Variants in KCNMB2 observed in about 807,000 individuals in gnomAD.
The protein encoded by KCNMB2 is calcium-activated potassium channel subunit beta-2.
KCNMB2 carries 9 observed loss-of-function variants against 24.5 expected under a neutral mutation model. The ratio of observed to expected loss-of-function variants is 0.37; its 90% confidence interval spans 0.22 to 0.64. KCNMB2 has a LOEUF of 0.64. KCNMB2 is among the 30% of genes least tolerant of loss of function. The pLI is 0.63. For missense variants in KCNMB2, 226 were observed against 284.3 expected (o/e 0.79, Z 1.47); for synonymous variants, 109 against 104.4 (o/e 1.04, Z -0.27).
intron 1 of KCNMB2, among the ~76,000 whole-genome samples, chr3:178,568,326 G>A (rs1024159001): frequency 6.6e-6 from 1 of 151,734 alleles, no homozygotes; most frequent in Non-Finnish European, 1.5e-5. Context: ...TTGAAGCTGG[G>A]CCAGCCACTA....
At chr3:178,669,745 G>A (rs1720836662) in intron 1 of KCNMB2, among the ~76,000 whole-genome samples, 1 of 152,028 alleles carries the variant, frequency 6.6e-6, no homozygotes, top group Admixed American at 6.6e-5. Flanking sequence ...GGCTCTGGGA[G>A]CCAGCAGTAA....
At chr3:178,555,123 A>C (rs756401702) in intron 1 of KCNMB2, among the ~76,000 whole-genome samples, 9 of 152,150 alleles carry the variant, frequency 5.9e-5, no homozygotes, top group Non-Finnish European at 1.2e-4. Context: ...ACACATGGTA[A>C]GCCCCCATGC....
chr3:178,598,725 A>C (rs1717969081), intron 1 of KCNMB2, among the ~76,000 whole-genome samples: 2 of 151,856 alleles, frequency 1.3e-5, no homozygotes, highest in South Asian at 4.1e-4. Context: ...TGCTCACGTG[A>C]CCAGGGACCT....
At chr3:178,595,780 T>C (rs1416607109) in intron 1 of KCNMB2, among the ~76,000 whole-genome samples, 2 of 152,104 alleles carry the variant, frequency 1.3e-5, no homozygotes, top group African/African-American at 2.4e-5. Context: ...ATGTCTTTAT[T>C]AGCAGCATGA....
chr3:178,610,000 T>C (rs1030713102), intron 1 of KCNMB2, among the ~76,000 whole-genome samples: 2 of 152,182 alleles, frequency 1.3e-5, no homozygotes, highest in Admixed American at 1.3e-4. Flanking sequence ...CATGTGAATA[T>C]CCAGTTTTCT....
chr3:178,668,305 G>A lies in KCNMB2; in HGVS notation c.-68+131594G>A, dbSNP rs866385569. Among the ~76,000 whole-genome samples, 3 of 152,082 alleles carry A rather than the reference G, an allele frequency of 2.0e-5. No homozygotes were observed. In the South Asian group the frequency reaches 6.2e-4, roughly 32 times the overall value. On this transcript the variant is annotated intron_variant, in intron 1 of 4. Transcript: ENST00000452583. ...CTCAGAGGGTCCAAGGCACAGAAGG[G>A]TCCACAATATTTTCAGAGAAGATAA...
At chr3:178,713,387 T>A (rs1489064886) in intron 1 of KCNMB2, among the ~76,000 whole-genome samples, 4 of 152,224 alleles carry the variant, frequency 2.6e-5, no homozygotes, top group African/African-American at 9.6e-5. Flanking sequence ...GAATGTTTAA[T>A]GGGCAGACAA....
Position 178,842,810 on chromosome 3 carries a change from A to G in KCNMB2, c.581A>G (p.Asn194Ser), listed in dbSNP as rs1207390700. 5.6e-6 allele frequency: 9 copies of G among 1,613,902 alleles called. No homozygotes were observed. Among genetic ancestry groups the G allele is most frequent in the Non-Finnish European group, 7.6e-6 (9 of 1,179,918 alleles). ...SVILTKLYSS[N>S]VLFHSLFWPT... is the part of the protein sequence containing the mutation. Reference sequence around the variant, plus strand: ...ATCCTAACAAAACTCTACAGTTCCAACGTGCTGTTCCATTCACTCTTCTGG... The same window carrying G: ...ATCCTAACAAAACTCTACAGTTCCAGCGTGCTGTTCCATTCACTCTTCTGG... The change falls in exon 5 of 5, where the codon AAC (asparagine) becomes AGC (serine). Residue 194 changes from asparagine (N) to serine (S), a missense_variant. Asn to Ser is a conservative substitution (Grantham distance 46). Coordinates refer to ENST00000452583, the MANE Select transcript of KCNMB2 (RefSeq NM_181361.3).
At chr3:178,794,989 A>T (rs1713479984) in intron 1 of KCNMB2, among the ~76,000 whole-genome samples, 1 of 152,160 alleles carries the variant, frequency 6.6e-6, no homozygotes, top group South Asian at 2.1e-4. Flanking sequence ...AAAAATGACA[A>T]GTCACTGTGG....
At chr3:178,757,976 C>G (rs1298596413) in intron 1 of KCNMB2, among the ~76,000 whole-genome samples, 1 of 58,702 alleles carries the variant, frequency 1.7e-5, no homozygotes, top group Admixed American at 2.0e-4. Context: ...TATATATAGA[C>G]ACAAGAGGAT....
chr3:178,646,268 G>A (rs543039277), intron 1 of KCNMB2, among the ~76,000 whole-genome samples: 1 of 152,262 alleles, frequency 6.6e-6, no homozygotes, highest in South Asian at 2.1e-4. Flanking sequence ...TCTGTGCTGG[G>A]CAGTGGACTC....
chr3:178,719,497 G>A (rs1346362244), intron 1 of KCNMB2, among the ~76,000 whole-genome samples: 2 of 152,222 alleles, frequency 1.3e-5, no homozygotes, highest in Non-Finnish European at 2.9e-5. Context: ...TCAGAAGGCA[G>A]TGGGAAGCAT....
intron 1 of KCNMB2, chr3:178,558,679 G>A (rs868400447): frequency 3.1e-4 from 47 of 152,270 alleles, no homozygotes; most frequent in Middle Eastern, 6.8e-3. Context: ...GAGCGTTGGT[G>A]TAAATATTCT....
intron 1 of KCNMB2, among the ~76,000 whole-genome samples, chr3:178,791,438 C>T (rs1010806491): frequency 1.3e-5 from 2 of 151,482 alleles, no homozygotes; most frequent in Non-Finnish European, 2.9e-5. Flanking sequence ...TCAGAGGAGA[C>T]AAAAGAAAAA....
chr3:178,546,537 C>A (rs959174840), intron 1 of KCNMB2, among the ~76,000 whole-genome samples: 1 of 152,152 alleles, frequency 6.6e-6, no homozygotes, highest in Non-Finnish European at 1.5e-5. Context: ...GGTGTCTACA[C>A]GTTTTAAAAA....
At chr3:178,655,528 T>C (rs1457201752) in intron 1 of KCNMB2, among the ~76,000 whole-genome samples, 2 of 152,174 alleles carry the variant, frequency 1.3e-5, no homozygotes, top group Non-Finnish European at 2.9e-5. Flanking sequence ...ACAAGGACAG[T>C]AAAGATCCCC....
chr3:178,731,442 C>G (rs1006270986), intron 1 of KCNMB2, among the ~76,000 whole-genome samples: 4 of 152,142 alleles, frequency 2.6e-5, no homozygotes, highest in Non-Finnish European at 5.9e-5. Flanking sequence ...CAGACACTGC[C>G]AAATGTCCCC....
In KCNMB2 at chr3:178,779,219, T is replaced by C. The variant is rs79445284; in HGVS notation, c.-67-28124T>C. 5.1e-3 allele frequency among the ~76,000 whole-genome samples: 774 copies of C among 152,318 alleles called. 32 individuals are homozygous for C. The East Asian group carries it at 0.097, about 19-fold the overall frequency. On this transcript the variant is annotated intron_variant, in intron 1 of 4. Coordinates refer to ENST00000452583, the MANE Select transcript of KCNMB2 (RefSeq NM_181361.3). ...AAAATGCTCACATCAGTGAGTCCATTTGATGGCCTTTCCCAGAAATTCTTC... is the reference window on the plus strand; with the variant it reads ...AAAATGCTCACATCAGTGAGTCCATCTGATGGCCTTTCCCAGAAATTCTTC...
chr3:178,742,067 C>G (rs1186895337), intron 1 of KCNMB2, among the ~76,000 whole-genome samples: 2 of 152,104 alleles, frequency 1.3e-5, no homozygotes, highest in African/African-American at 4.8e-5. Context: ...CTGTTAATAT[C>G]TATAATAAAA....
Sources: allele counts gnomAD v4.1 joint callset (sites outside exome capture counted in the v4.1 genomes callset), GRCh38; gene constraint gnomAD v4.1.1; transcripts MANE v1.5; gene names NCBI Gene and HGNC (gene_info 2026-07-23, HGNC 2026-07-21).